TRIO: variants seen among roughly 807,000 people sequenced by gnomAD.
TRIO encodes triple functional domain protein.
In TRIO, 58 loss-of-function variants were observed where a neutral mutation model predicts 351.9. That is an observed-to-expected ratio of 0.16 (90% CI 0.13 to 0.21). The LOEUF (loss-of-function observed/expected upper bound fraction) is 0.21, where lower values mean the gene tolerates loss of function less well. Ranked by LOEUF, TRIO falls within the 10% of genes least tolerant of loss-of-function variation. The probability of loss-of-function intolerance (pLI) is 1.00; values close to 1 mark genes in which losing one functional copy is unlikely to be tolerated. For synonymous variants in TRIO, 1,758 were observed against 1,595.7 expected, an observed-to-expected ratio of 1.10 and a Z score of -2.42; for missense variants, 3,201 against 4,027.8, an observed-to-expected ratio of 0.79 and a Z score of 5.56.
chr5:14,305,581 A>G (rs73751335), intron 8 of TRIO, among the ~76,000 whole-genome samples: 4,973 of 152,128 alleles, frequency 0.033, 291 homozygotes, highest in African/African-American at 0.11. Context: ...TGTTTAATAA[A>G]TGCTTTCTGT....
chr5:14,415,009 C>T (rs1212690522), intron 33 of TRIO, among the ~76,000 whole-genome samples: 1 of 152,188 alleles, frequency 6.6e-6, no homozygotes, highest in Non-Finnish European at 1.5e-5. Context: ...CTCTAATTCC[C>T]TTTAACCAAG....
At chr5:14,163,760 C>G (rs1304954722) in intron 1 of TRIO, among the ~76,000 whole-genome samples, 1 of 152,158 alleles carries the variant, frequency 6.6e-6, no homozygotes, top group Non-Finnish European at 1.5e-5. Context: ...ATTTAAAAAT[C>G]TAATAAAGCT....
chr5:14,302,680 TA>T (rs1267343523), intron 7 of TRIO, among the ~76,000 whole-genome samples: 1 of 152,244 alleles, frequency 6.6e-6, no homozygotes, highest in African/African-American at 2.4e-5. Flanking sequence ...TTTAATGTCC[TA>T]AAAATAAACT....
chr5:14,477,982 T>C (rs1755217136), intron 41 of TRIO, among the ~76,000 whole-genome samples: 1 of 152,218 alleles, frequency 6.6e-6, no homozygotes, highest in African/African-American at 2.4e-5. Context: ...GTTGTTTGCC[T>C]TGAAATGACA....
Position 14,504,514 on chromosome 5 carries a change from C to T in TRIO, c.8533C>T (p.Gln2845Ter). 1 of 1,614,178 alleles carries T rather than the reference C, an allele frequency of 6.2e-7. No homozygotes were observed. The highest frequency in any genetic ancestry group is 8.5e-7 in the Non-Finnish European group (1 of 1,180,044). ...DQVTHELGIL[Q>*]SLQHPLLVGL... ...GGTCACCCATGAGCTTGGCATCCTG[C>T]AGAGCCTCCAGCACCCCCTGCTTGT... Residue 2845 changes from glutamine to a stop codon, truncating the protein, a stop_gained, in exon 55 of 57, where the codon CAG becomes TAG. Transcript: ENST00000344204. LOFTEE classifies it high-confidence loss of function.
At chr5:14,309,876 A>T (rs1332761813) in intron 8 of TRIO, among the ~76,000 whole-genome samples, 3 of 148,658 alleles carry the variant, frequency 2.0e-5, no homozygotes, top group South Asian at 2.1e-4. Flanking sequence ...TCCTCTCTTC[A>T]TTTTCTCTAC....
intron 43 of TRIO, 58 bp downstream of exon 43, chr5:14,480,069 A>T: frequency 5.9e-6 from 9 of 1,523,160 alleles, no homozygotes; most frequent in Non-Finnish European, 8.2e-6. Context: ...AGAAAATAAG[A>T]CTCAGTTGGG....
intron 53 of TRIO, chr5:14,498,979 C>T (rs945766805): frequency 7.7e-5 from 20 of 261,016 alleles, no homozygotes; most frequent in Admixed American, 5.4e-4. Flanking sequence ...GGGTGCTTTC[C>T]GTGCTCCTAG....
intron 52 of TRIO, 114 bp downstream of exon 52, chr5:14,498,365 ACTT>A (rs1757039960): frequency 2.6e-6 from 4 of 1,515,952 alleles, no homozygotes; most frequent in Non-Finnish European, 1.8e-6. Context: ...TCGGCACTCC[ACTT>A]CTTCCGTGAG....
In TRIO at chr5:14,405,883, G is replaced by A. The variant is rs1748664221; in HGVS notation, c.4752G>A (p.Lys1584=). 7 of 1,614,008 alleles carry A rather than the reference G, an allele frequency of 4.3e-6. No individual in the cohort carries two copies. The highest frequency in any genetic ancestry group is 5.9e-6 in the Non-Finnish European group (7 of 1,180,014). ...TAGAGAACAAGCAGGACTGGATAAA[G>A]CATATCCGCGAAGTCATCCAGGAGC... ...SSIENKQDWI[K]HIREVIQERT... The change falls in exon 32 of 57, where the codon AAG becomes AAA. Residue 1584 remains lysine (K), a synonymous_variant. Transcript: ENST00000344204.
intron 30 of TRIO, 67 bp downstream of exon 30, chr5:14,399,137 A>G: frequency 6.9e-7 from 1 of 1,446,272 alleles, no homozygotes; most frequent in East Asian, 2.3e-5. Context: ...GTAGGTAGAG[A>G]AGAATTGTTC....
chr5:14,266,353 C>T (rs1364335855), intron 1 of TRIO, among the ~76,000 whole-genome samples: 1 of 152,172 alleles, frequency 6.6e-6, no homozygotes, highest in Non-Finnish European at 1.5e-5. Flanking sequence ...AGCCAACCCA[C>T]ATCTGATGAA....
intron 37 of TRIO, among the ~76,000 whole-genome samples, chr5:14,469,106 G>A (rs921299637): frequency 3.2e-4 from 49 of 152,042 alleles, no homozygotes; most frequent in African/African-American, 1.0e-3. Flanking sequence ...AAGAAAGAAT[G>A]AAAATAAATG....
intron 1 of TRIO, among the ~76,000 whole-genome samples, chr5:14,261,080 T>C (rs1051057203): frequency 6.6e-6 from 1 of 152,206 alleles, no homozygotes; most frequent in Non-Finnish European, 1.5e-5. Flanking sequence ...CCTTTGAGTT[T>C]TAGGGCCGGC....
chr5:14,327,856 C>G (rs538374798), intron 9 of TRIO, among the ~76,000 whole-genome samples: 1 of 152,190 alleles, frequency 6.6e-6, no homozygotes, highest in African/African-American at 2.4e-5. Flanking sequence ...GCCGAGAGGT[C>G]CAGAAGTTGT....
chr5:14,261,176 G>A (rs536891605), intron 1 of TRIO, among the ~76,000 whole-genome samples: 1 of 152,306 alleles, frequency 6.6e-6, no homozygotes, highest in South Asian at 2.1e-4. Flanking sequence ...GTTCAGTGCT[G>A]GGAATTCAGT....
chr5:14,487,972 GC>G lies in TRIO; in HGVS notation c.7348del (p.Arg2450GlyfsTer8). ...GCCTGGGCACCCTGCCGCTTGGGAA[GC>G]CCCGGGCCGGGGCCGCTTCGCCGCT... ...ASLGTLPLGK[P>X]RAGAASPLNS... On this transcript the variant is annotated frameshift_variant, in exon 48 of 57. Transcript: ENST00000344204. LOFTEE classifies it high-confidence loss of function. 1 of 1,552,970 alleles carries G rather than the reference GC, an allele frequency of 6.4e-7. No individual in the cohort carries two copies. The highest frequency in any genetic ancestry group is 8.7e-7 in the Non-Finnish European group (1 of 1,149,220).
chr5:14,253,833 G>A (rs1208864632), intron 1 of TRIO, among the ~76,000 whole-genome samples: 2 of 152,186 alleles, frequency 1.3e-5, no homozygotes, highest in East Asian at 1.9e-4. Context: ...AGTGTATGCT[G>A]AAGTCTTCCA....
chr5:14,347,800 G>A (rs1475455251), intron 11 of TRIO, among the ~76,000 whole-genome samples: 1 of 152,204 alleles, frequency 6.6e-6, no homozygotes, highest in South Asian at 2.1e-4. Flanking sequence ...GAATTGGTTT[G>A]GAAGGTGTGT....
Sources: gnomAD v4.1 joint callset for allele counts (sites outside exome capture counted in the v4.1 genomes callset) on GRCh38, gnomAD v4.1.1 for gene constraint, MANE v1.5 for transcripts, NCBI Gene and HGNC (gene_info 2026-07-23, HGNC 2026-07-21) for gene names.